The following BTD variants were observed in gnomAD, a reference collection of about 807,000 sequenced individuals.
BTD encodes biotinidase, also known as biocytinase.
Under a neutral mutation model 17.7 loss-of-function variants are expected in BTD, and 13 were observed. That is an observed-to-expected ratio of 0.74 (90% CI 0.48 to 1.17). The LOEUF is 1.17. Among genes scored for constraint, BTD ranks in the 50% most tolerant of loss-of-function variants. BTD has a pLI of 0.00. For missense variants in BTD, 674 were observed against 650.4 expected (o/e 1.04, Z -0.39); for synonymous variants, 240 against 245.2 (o/e 0.98, Z 0.20).
Position 15,601,801 on chromosome 3 carries a change from A to G in BTD, c.-110A>G, listed in dbSNP as rs1265479087. On this transcript the variant is annotated 5_prime_UTR_variant, in exon 1 of 4. Coordinates refer to ENST00000643237, the MANE Select transcript of BTD (RefSeq NM_001370658.1). Reference sequence around the variant, plus strand: ...AAGCCGAACTCTGAGGCCTCTCGCCATTGTCTCCGAGTCGGCCAGCTGGAG... The same window carrying G: ...AAGCCGAACTCTGAGGCCTCTCGCCGTTGTCTCCGAGTCGGCCAGCTGGAG... The G allele has an allele frequency of 4.3e-6, 7 of 1,613,928 alleles. No individual in the cohort carries two copies. The Admixed American group carries it at 6.7e-5, about 15-fold the overall frequency.
At chr3:15,632,643 G>A (rs900072054) in intron 1 of BTD, 26 of 152,184 alleles carry the variant, frequency 1.7e-4, no homozygotes, top group African/African-American at 6.3e-4. Flanking sequence ...AGAACCCCAT[G>A]ACTTCCAGGG....
intron 3 of BTD, chr3:15,690,229 A>G: frequency 6.4e-7 from 1 of 1,554,354 alleles, no homozygotes; most frequent in Non-Finnish European, 8.7e-7. Flanking sequence ...GCCTAGAAAT[A>G]AATAAAAATG....
At position 15,675,791 on chromosome 3, in the gene BTD, A is replaced by G. The variant is rs115375287; in HGVS notation, c.399+33734A>G. On this transcript the variant is annotated intron_variant, in intron 3 of 3. Coordinates refer to the BTD transcript ENST00000672141. The stretch of plus-strand genomic sequence containing the variant: ...CAAACTACTCTTCAATATTAACTTT[A>G]GCTCTCCTCTTTGACCAATAAAAAA... The G allele has an allele frequency of 2.5e-3, 2,320 of 934,650 alleles. 4 individuals are homozygous for G. Among genetic ancestry groups the G allele is most frequent in the Non-Finnish European group, 3.1e-3 (2,042 of 655,802 alleles). The allele number at this position is 934,650 out of a possible 1,614,324, so 57.9% of individuals were successfully genotyped here.
intron 1 of BTD, among the ~76,000 whole-genome samples, chr3:15,633,228 T>C (rs1358789741): frequency 6.6e-6 from 1 of 152,196 alleles, no homozygotes; most frequent in Admixed American, 6.5e-5. Flanking sequence ...CCCAGTAATT[T>C]CAATCCAAGG....
At chr3:15,685,352 G>C (rs1056643754) in intron 3 of BTD, 2 of 1,613,996 alleles carry the variant, frequency 1.2e-6, no homozygotes, top group South Asian at 1.1e-5. Context: ...GCAGCAGACA[G>C]GTGTATAGGC....
At chr3:15,676,810 T>C (rs909526712) in intron 3 of BTD, 1 of 512,324 alleles carries the variant, frequency 2.0e-6, no homozygotes, top group African/African-American at 2.0e-5. Context: ...ATATGGCTTT[T>C]AGTTGTGATC....
At position 15,645,426 on chromosome 3, in the gene BTD, A is replaced by C. The variant is rs868626934; in HGVS notation, c.1510A>C (p.Ser504Arg). The C allele has an allele frequency of 1.9e-6, 3 of 1,613,816 alleles. No homozygotes were observed. In the African/African-American group the frequency reaches 4.0e-5, roughly 22 times the overall value. ...GAATGACCACTATTTCCTGAGGAAA[A>C]GTAGGCTGTCCTCTGGGCTGGTGAC... Reference protein sequence around the residue: ...WENDHYFLRKSRLSSGLVTAA... With the variant: ...WENDHYFLRKRRLSSGLVTAA... The change falls in exon 4 of 4, where the codon AGT becomes CGT. Residue 504 changes from serine to arginine, a missense_variant. Physicochemically the swap from Ser to Arg is moderately radical, Grantham distance 110. Coordinates refer to ENST00000643237, the MANE Select transcript of BTD (RefSeq NM_001370658.1).
chr3:15,622,550 A>C (rs1233383866), intron 1 of BTD, among the ~76,000 whole-genome samples: 3 of 152,288 alleles, frequency 2.0e-5, no homozygotes, highest in Middle Eastern at 6.8e-3. Flanking sequence ...TAGTCTATAG[A>C]TGTCCCTTGT....
At position 15,604,674 on chromosome 3, in the gene BTD, C is replaced by T. The variant is rs118026119; in HGVS notation, c.-17+2780C>T. Among the ~76,000 whole-genome samples the T allele has an allele frequency of 1.5e-4, 23 of 152,364 alleles. 2 individuals are homozygous for T. In the East Asian group the frequency reaches 4.4e-3, roughly 29 times the overall value. The stretch of plus-strand genomic sequence containing the variant: ...TTTTTCAAATTTGTATGCTCTGCTT[C>T]CTCTGGAACACTTTGCCATTTAGAA... On this transcript the variant is annotated intron_variant, in intron 1 of 3. Transcript: ENST00000643237.
At chr3:15,691,495 C>T (rs554317937) in intron 3 of BTD, among the ~76,000 whole-genome samples, 1 of 152,292 alleles carries the variant, frequency 6.6e-6, no homozygotes, top group Admixed American at 6.5e-5. Context: ...AACATGGCAA[C>T]TGAACATATA....
chr3:15,691,832 T>G (rs1012804991), intron 3 of BTD, among the ~76,000 whole-genome samples: 5 of 152,020 alleles, frequency 3.3e-5, no homozygotes, highest in Non-Finnish European at 7.4e-5. Context: ...AAAGACAATA[T>G]AAAAAGAAGA....
chr3:15,680,841 A>AT (rs2067465815), intron 3 of BTD, among the ~76,000 whole-genome samples: 1 of 152,020 alleles, frequency 6.6e-6, no homozygotes, highest in African/African-American at 2.4e-5. Flanking sequence ...TAATTTTTTG[A>AT]TATTTTGTAG....
In BTD at chr3:15,646,270, C is replaced by T. The variant is rs1295089647; in HGVS notation, c.*782C>T. 1.3e-5 allele frequency: 2 copies of T among 152,252 alleles called. No individual in the cohort carries two copies. The highest frequency in any genetic ancestry group is 2.9e-5 in the Non-Finnish European group (2 of 68,074). 9.4% of individuals were successfully genotyped at this position (152,252 alleles called of 1,614,324 possible). The stretch of plus-strand genomic sequence containing the variant: ...TTCTTTCTGTACGACACAGCTCATC[C>T]AGGGATTCCAGGGACCTTAATAAAT... On this transcript the variant is annotated 3_prime_UTR_variant, in exon 4 of 4. Coordinates refer to ENST00000643237, the MANE Select transcript of BTD (RefSeq NM_001370658.1).
At chr3:15,709,961 T>A (rs1380480354) in intron 3 of BTD, among the ~76,000 whole-genome samples, 1 of 152,170 alleles carries the variant, frequency 6.6e-6, no homozygotes, top group Non-Finnish European at 1.5e-5. Context: ...ACGATTCATG[T>A]TGTCATTGTT....
At chr3:15,686,547 C>T in intron 3 of BTD, 1 of 520,904 alleles carries the variant, frequency 1.9e-6, no homozygotes, top group Non-Finnish European at 3.4e-6. Context: ...AGCACCCATG[C>T]CCTATCATCT....
At chr3:15,641,869 A>G (rs952395814) in intron 2 of BTD, 39 bp from the exon 3 acceptor site, 4 of 1,456,782 alleles carry the variant, frequency 2.7e-6, no homozygotes, top group South Asian at 1.2e-5. Context: ...TCTTCCTGCC[A>G]TCTGATAACA....
At chr3:15,681,003 A>G (rs1575116389) in intron 3 of BTD, among the ~76,000 whole-genome samples, 1 of 152,106 alleles carries the variant, frequency 6.6e-6, no homozygotes, top group African/African-American at 2.4e-5. Flanking sequence ...TTGTAGGACA[A>G]TTTCCTACCA....
At chr3:15,685,345 G>A in intron 3 of BTD, 1 of 1,614,036 alleles carries the variant, frequency 6.2e-7, no homozygotes, top group Non-Finnish European at 8.5e-7. Context: ...TCCACAGGCA[G>A]CAGACAGGTG....
chr3:15,641,814 A>T lies in BTD; in HGVS notation c.250-94A>T, dbSNP rs145501981. On this transcript the variant is annotated intron_variant, in intron 2 of 3. Transcript: ENST00000643237. ...GTTCCTGCTACAGAGTAACTTCCTG[A>T]TGGTTGCCAAAAGAATGAACAGAAG... 4.8e-4 allele frequency: 468 copies of T among 966,354 alleles called. No homozygotes were observed. The African/African-American group carries it at 6.6e-3, about 14-fold the overall frequency. The allele number at this position is 966,354 out of a possible 1,614,324, so 59.9% of individuals were successfully genotyped here. A position where few individuals can be genotyped will look rare whatever the true frequency, so the allele number is the denominator to read the frequency against.
Sources: allele counts gnomAD v4.1 joint callset (sites outside exome capture counted in the v4.1 genomes callset), GRCh38; gene constraint gnomAD v4.1.1; transcripts MANE v1.5; gene names NCBI Gene and HGNC (gene_info 2026-07-23, HGNC 2026-07-21).